Variants in RBFOX1 observed in about 807,000 individuals in gnomAD.
The protein encoded by RBFOX1 is RNA binding protein fox-1 homolog 1.
RBFOX1 carries 8 observed loss-of-function variants against 57.7 expected under a neutral mutation model. The ratio of observed to expected loss-of-function variants is 0.14; its 90% confidence interval spans 0.08 to 0.25. RBFOX1 has a LOEUF of 0.25. Among genes scored for constraint, RBFOX1 ranks in the 10% least tolerant of loss-of-function variants. The pLI, the probability that RBFOX1 is intolerant of heterozygous loss-of-function variation, is 1.00. For missense variants in RBFOX1, 611 were observed against 548.5 expected (o/e 1.11, Z -1.14); for synonymous variants, 326 against 222.4 (o/e 1.47, Z -4.15).
chr16:6,599,806 G>T (rs964524723), intron 2 of RBFOX1, among the ~76,000 whole-genome samples: 2 of 152,068 alleles, frequency 1.3e-5, no homozygotes, highest in African/African-American at 2.4e-5. Flanking sequence ...TTTCTGAAAG[G>T]CAATTAATGA....
intron 3 of RBFOX1, among the ~76,000 whole-genome samples, chr16:5,646,865 C>T (rs939960673): frequency 1.3e-5 from 2 of 152,022 alleles, no homozygotes; most frequent in Admixed American, 6.6e-5. Flanking sequence ...AATCTCTTGA[C>T]CTCATGATCT....
At chr16:5,820,973 C>T (rs914144124) in intron 3 of RBFOX1, among the ~76,000 whole-genome samples, 1 of 152,174 alleles carries the variant, frequency 6.6e-6, no homozygotes, top group Non-Finnish European at 1.5e-5. Flanking sequence ...AGCCCACCTC[C>T]TCTGGGAGGG....
chr16:7,304,276 A>G, intron 4 of RBFOX1: 2 of 984,898 alleles, frequency 2.0e-6, no homozygotes, highest in Non-Finnish European at 2.4e-6. Flanking sequence ...ATTGACTTAG[A>G]TAACCAGCAA....
At position 7,404,027 on chromosome 16, in the gene RBFOX1, C is replaced by CATTTTATTTTATTTTATTTT. The variant is rs1278332849; in HGVS notation, c.28-114120_28-114119insATTTTATTTTATTTTATTTT. On this transcript the variant is annotated intron_variant, in intron 4 of 15. Coordinates refer to ENST00000550418, the MANE Select transcript of RBFOX1 (RefSeq NM_018723.4). ...GGGAGTGCATATCCTGATTTCATTT[C>CATTTTATTTTATTTTATTTT]CTTTTATTTTATTTTATTTTATTTT... is the stretch of plus-strand genomic sequence containing the variant. Among the ~76,000 whole-genome samples the CATTTTATTTTATTTTATTTT allele has an allele frequency of 4.4e-3, 218 of 49,094 alleles. 3 individuals are homozygous for CATTTTATTTTATTTTATTTT. Among genetic ancestry groups the CATTTTATTTTATTTTATTTT allele is most frequent in the Admixed American group, 0.012 (61 of 4,952 alleles). 32.2% of individuals were successfully genotyped at this position (49,094 alleles called of 152,430 possible). A position where few individuals can be genotyped will look rare whatever the true frequency, so the allele number is the denominator to read the frequency against.
intron 3 of RBFOX1, among the ~76,000 whole-genome samples, chr16:5,671,422 T>G (rs948287927): frequency 1.3e-5 from 2 of 152,232 alleles, no homozygotes; most frequent in Non-Finnish European, 2.9e-5. Flanking sequence ...GATATATTTG[T>G]GCTGGAGATT....
chr16:6,178,230 A>G (rs1418996729), intron 1 of RBFOX1, among the ~76,000 whole-genome samples: 1 of 120,212 alleles, frequency 8.3e-6, no homozygotes, highest in African/African-American at 3.3e-5. Flanking sequence ...TCTATTCCCC[A>G]GGCTGGAGTA....
intron 4 of RBFOX1, among the ~76,000 whole-genome samples, chr16:5,938,141 G>T (rs893182937): frequency 1.3e-5 from 2 of 151,508 alleles, no homozygotes; most frequent in African/African-American, 2.4e-5. Flanking sequence ...CTTTGCTTCC[G>T]TACTTTACAC....
intron 4 of RBFOX1, among the ~76,000 whole-genome samples, chr16:7,515,474 C>G (rs188969919): frequency 2.1e-3 from 320 of 149,792 alleles, no homozygotes; most frequent in Middle Eastern, 0.017. Flanking sequence ...TCTCCACACA[C>G]ACATACACAC....
intron 5 of RBFOX1, among the ~76,000 whole-genome samples, chr16:7,521,440 G>A (rs1489662934): frequency 1.3e-5 from 2 of 152,196 alleles, no homozygotes; most frequent in Admixed American, 6.5e-5. Context: ...GGTTAGTGAT[G>A]CCTAGCTTAA....
intron 3 of RBFOX1, among the ~76,000 whole-genome samples, chr16:5,611,675 C>T (rs562049695): frequency 1.1e-4 from 16 of 152,090 alleles, no homozygotes; most frequent in South Asian, 4.2e-4. Context: ...CTCTCTCATC[C>T]ATCCATCCAC....
At chr16:6,264,182 T>C (rs1384107050) in intron 1 of RBFOX1, among the ~76,000 whole-genome samples, 1 of 152,196 alleles carries the variant, frequency 6.6e-6, no homozygotes, top group Non-Finnish European at 1.5e-5. Context: ...GGTTTTTCAG[T>C]GTTCTCTTGG....
In RBFOX1 at chr16:7,074,358, G is replaced by C. The variant is rs570078637; in HGVS notation, c.27+22260G>C. The stretch of plus-strand genomic sequence containing the variant: ...GTTAGGTTGATGCAAAAGTAATTAC[G>C]GCTTTTGCCATTAAAATGATAATAA... On this transcript the variant is annotated intron_variant, in intron 4 of 15. Transcript: ENST00000550418. 7.2e-5 allele frequency among the ~76,000 whole-genome samples: 11 copies of C among 152,206 alleles called. No homozygotes were observed. The East Asian group carries it at 2.1e-3, about 29-fold the overall frequency.
intron 4 of RBFOX1, among the ~76,000 whole-genome samples, chr16:7,104,994 C>T (rs1025468370): frequency 1.3e-5 from 2 of 152,096 alleles, no homozygotes; most frequent in Admixed American, 1.3e-4. Flanking sequence ...TGTTTCTCAG[C>T]TCTGCTTTCT....
At chr16:7,398,116 A>G (rs1424964834) in intron 4 of RBFOX1, among the ~76,000 whole-genome samples, 1 of 152,206 alleles carries the variant, frequency 6.6e-6, no homozygotes, top group Non-Finnish European at 1.5e-5. Flanking sequence ...AATTTGCAAC[A>G]CTAGGATTCC....
chr16:6,712,525 C>A (rs2154152938), intron 3 of RBFOX1, among the ~76,000 whole-genome samples: 1 of 152,206 alleles, frequency 6.6e-6, no homozygotes, highest in East Asian at 1.9e-4. Flanking sequence ...ATCATCTTTC[C>A]AGTGACACAG....
At chr16:7,342,287 G>A (rs930480398) in intron 4 of RBFOX1, among the ~76,000 whole-genome samples, 3 of 152,096 alleles carry the variant, frequency 2.0e-5, no homozygotes, top group Non-Finnish European at 4.4e-5. Flanking sequence ...CATTAGGGCA[G>A]CAAGACAGGA....
intron 7 of RBFOX1, among the ~76,000 whole-genome samples, chr16:7,593,172 C>G (rs764702076): frequency 2.0e-5 from 3 of 152,092 alleles, no homozygotes; most frequent in Non-Finnish European, 4.4e-5. Context: ...TCATGGAAAT[C>G]AAATCACTGG....
chr16:6,663,321 G>C (rs983699317), intron 3 of RBFOX1, among the ~76,000 whole-genome samples: 1 of 152,200 alleles, frequency 6.6e-6, no homozygotes, highest in African/African-American at 2.4e-5. Context: ...GAAGAAGAAA[G>C]GAGTTGATCA....
intron 4 of RBFOX1, among the ~76,000 whole-genome samples, chr16:7,204,407 T>A (rs1567696010): frequency 6.6e-6 from 1 of 151,990 alleles, no homozygotes; most frequent in African/African-American, 2.4e-5. Flanking sequence ...TTTGAGAGGC[T>A]GAAGTGGGAG....
Sources: allele counts gnomAD v4.1 joint callset (sites outside exome capture counted in the v4.1 genomes callset), GRCh38; gene constraint gnomAD v4.1.1; transcripts MANE v1.5; gene names NCBI Gene and HGNC (gene_info 2026-07-23, HGNC 2026-07-21).